CSMD3: variants seen among roughly 807,000 people sequenced by gnomAD.
CSMD3 encodes the protein CUB and Sushi multiple domains 3.
A neutral mutation model predicts 435.2 loss-of-function variants in CSMD3; 177 were observed. That is an observed-to-expected ratio of 0.41 (90% CI 0.36 to 0.46). CSMD3 has a LOEUF of 0.46. CSMD3 is among the 20% of genes least tolerant of loss of function. CSMD3 has a pLI of 0.34. For synonymous variants in CSMD3, 1,656 were observed against 1,520.5 expected, an observed-to-expected ratio of 1.09 and a Z score of -2.07; for missense variants, 4,265 against 4,504.6, an observed-to-expected ratio of 0.95 and a Z score of 1.52.
chr8:113,262,424 C>T lies in CSMD3; in HGVS notation c.514+16168G>A, dbSNP rs568164644. ...TCAACATAATATAGTAGGCATAATT[C>T]CACTATTGGCTCCAAGATTTCCACT... On this transcript the variant is annotated intron_variant, in intron 3 of 70. Coordinates refer to ENST00000297405, the MANE Select transcript of CSMD3 (RefSeq NM_198123.2). 2.6e-4 allele frequency among the ~76,000 whole-genome samples: 39 copies of T among 152,044 alleles called. 1 individual carries two copies. In the South Asian group the frequency reaches 8.1e-3, roughly 32 times the overall value.
chr8:113,374,833 AAAAAAAAAAAAAAACC>A (rs1231364444), intron 1 of CSMD3, among the ~76,000 whole-genome samples: 2 of 120,818 alleles, frequency 1.7e-5, no homozygotes, highest in African/African-American at 5.8e-5. Context: ...AAAAAAAAAA[AAAAAAAAAAAAAAACC>A]AATAAAATGA....
chr8:112,494,843 G>A (rs988094133), intron 30 of CSMD3, among the ~76,000 whole-genome samples: 1 of 152,034 alleles, frequency 6.6e-6, no homozygotes, highest in Non-Finnish European at 1.5e-5. Flanking sequence ...TGGGGAGGAG[G>A]TGTGCTGACA....
At chr8:112,304,692 G>C (rs1159003300) in intron 52 of CSMD3, 29 bp downstream of exon 52, 5 of 1,524,112 alleles carry the variant, frequency 3.3e-6, no homozygotes, top group Non-Finnish European at 4.6e-6. Flanking sequence ...CATAGCTTAT[G>C]AAATAAGTTT....
intron 3 of CSMD3, among the ~76,000 whole-genome samples, chr8:113,202,641 C>T (rs1004400347): frequency 6.6e-6 from 1 of 152,052 alleles, no homozygotes; most frequent in Non-Finnish European, 1.5e-5. Context: ...TTGGTAAGCA[C>T]TTATGTCAAG....
At chr8:112,756,856 C>T (rs2077713193) in intron 13 of CSMD3, among the ~76,000 whole-genome samples, 1 of 151,620 alleles carries the variant, frequency 6.6e-6, no homozygotes, top group South Asian at 2.1e-4. Flanking sequence ...GCAACCTCCA[C>T]CTCCTGGGTT....
At position 112,241,816 on chromosome 8, in the gene CSMD3, G is replaced by A. The variant is rs775826019; in HGVS notation, c.10403-31C>T. 3 of 1,436,372 alleles carry A rather than the reference G, an allele frequency of 2.1e-6. No homozygotes were observed. The South Asian group carries it at 3.4e-5, about 16-fold the overall frequency. 89.0% of individuals were successfully genotyped at this position (1,436,372 alleles called of 1,614,324 possible). A position where few individuals can be genotyped will look rare whatever the true frequency, so the allele number is the denominator to read the frequency against. On this transcript the variant is annotated intron_variant, in intron 65 of 70. Transcript: ENST00000297405. The stretch of plus-strand genomic sequence containing the variant: ...AAAAGAAATAAAGGTGTTTACAAAA[G>A]TTGATGCAATTAATTACATACACAT...
At chr8:112,666,984 T>A (rs181431065) in intron 16 of CSMD3, among the ~76,000 whole-genome samples, 62 of 152,268 alleles carry the variant, frequency 4.1e-4, no homozygotes, top group South Asian at 1.0e-3. Flanking sequence ...CTTTCTTAGA[T>A]TTGTATTTTG....
At chr8:112,671,203 T>C (rs2075647591) in intron 16 of CSMD3, among the ~76,000 whole-genome samples, 1 of 152,122 alleles carries the variant, frequency 6.6e-6, no homozygotes, top group African/African-American at 2.4e-5. Context: ...AAGACCCTCC[T>C]TCCCACCTCC....
At chr8:112,366,993 A>C (rs890540979) in intron 38 of CSMD3, among the ~76,000 whole-genome samples, 1 of 152,074 alleles carries the variant, frequency 6.6e-6, no homozygotes, top group Admixed American at 6.6e-5. Flanking sequence ...TTTTTCTATA[A>C]TTCAATTTTT....
At chr8:113,287,879 A>G (rs1198010451) in intron 2 of CSMD3, among the ~76,000 whole-genome samples, 1 of 151,992 alleles carries the variant, frequency 6.6e-6, no homozygotes, top group Admixed American at 6.6e-5. Context: ...ATCTTTGACC[A>G]TCAAAAGCCA....
chr8:112,813,002 G>A (rs547210594), intron 12 of CSMD3, among the ~76,000 whole-genome samples: 1 of 152,282 alleles, frequency 6.6e-6, no homozygotes, highest in South Asian at 2.1e-4. Context: ...AGATTAATAA[G>A]AGAAAATGTT....
intron 32 of CSMD3, among the ~76,000 whole-genome samples, chr8:112,410,234 T>C (rs1206811714): frequency 1.3e-5 from 2 of 151,502 alleles, no homozygotes; most frequent in African/African-American, 2.4e-5. Context: ...CTTTGTGGAG[T>C]AAAAGAAAAT....
intron 17 of CSMD3, among the ~76,000 whole-genome samples, chr8:112,662,118 T>C (rs4876482): frequency 0.77 from 116,397 of 151,966 alleles, 45,208 homozygotes; most frequent in African/African-American, 0.89. Flanking sequence ...ATAGATTCAA[T>C]GCCATCCCCA....
rs144264165 is a variant in CSMD3, at chr8:112,880,666, T to C, written c.1634-21400A>G. On this transcript the variant is annotated intron_variant, in intron 10 of 70. Transcript: ENST00000297405. ...AATTCTTTTGATGGTGCTGGGGATG[T>C]AAATAAATGCCTATTCAAGGGGGTC... Among the ~76,000 whole-genome samples, 1,345 of 152,110 alleles carry C rather than the reference T, an allele frequency of 8.8e-3. 25 individuals carry two copies. The highest frequency in any genetic ancestry group is 0.03 in the African/African-American group (1,265 of 41,534).
rs946757371 is a variant in CSMD3 at position 112,638,724 on chromosome 8, T to C, written c.3498A>G (p.Ser1166=). Residue 1166 remains serine (S), a synonymous_variant, in exon 21 of 71, where the codon TCA becomes TCG. Transcript: ENST00000297405. The part of the protein sequence containing the change: ...QLRFISDFSI[S]YEGFNITFSE... ...AGAATGTTATGTTAAATCCTTCATA[T>C]GATATTGAAAAATCTGAAATGAAAC... 2.9e-5 allele frequency: 47 copies of C among 1,599,614 alleles called. No homozygotes were observed. Among genetic ancestry groups the C allele is most frequent in the Non-Finnish European group, 4.0e-5 (47 of 1,167,304 alleles).
intron 6 of CSMD3, among the ~76,000 whole-genome samples, chr8:113,001,010 T>C (rs563097277): frequency 1.3e-5 from 2 of 152,076 alleles, no homozygotes; most frequent in South Asian, 4.1e-4. Context: ...TCAGAATTGC[T>C]CATAATTTCT....
intron 13 of CSMD3, among the ~76,000 whole-genome samples, chr8:112,729,655 G>A (rs2077035805): frequency 6.6e-6 from 1 of 152,050 alleles, no homozygotes; most frequent in South Asian, 2.1e-4. Context: ...CCACAAAAGA[G>A]AGAGGAAAAA....
intron 5 of CSMD3, among the ~76,000 whole-genome samples, chr8:113,072,520 C>G (rs762106230): frequency 1.3e-5 from 2 of 151,740 alleles, no homozygotes; most frequent in African/African-American, 2.4e-5. Context: ...TGGATGCCCA[C>G]TAATTTTCTT....
At chr8:112,445,547 G>A (rs1289182446) in intron 32 of CSMD3, among the ~76,000 whole-genome samples, 2 of 152,092 alleles carry the variant, frequency 1.3e-5, no homozygotes, top group South Asian at 2.1e-4. Flanking sequence ...GCTATCACAT[G>A]AACTCAGAAC....
Sources: allele counts gnomAD v4.1 joint callset (sites outside exome capture counted in the v4.1 genomes callset), GRCh38; gene constraint gnomAD v4.1.1; transcripts MANE v1.5; gene names NCBI Gene and HGNC (gene_info 2026-07-23, HGNC 2026-07-21).